Variants in OPCML observed in about 807,000 individuals in gnomAD.
OPCML encodes the protein opioid binding protein/cell adhesion molecule like, also known as opioid-binding protein/cell adhesion molecule.
In OPCML, 13 loss-of-function variants were observed where a neutral mutation model predicts 37.8. The observed-to-expected ratio is 0.34, with a 90% CI of 0.22 to 0.55. OPCML has a LOEUF of 0.55. Among genes scored for constraint, OPCML ranks in the 20% least tolerant of loss-of-function variants. The pLI, the probability that OPCML is intolerant of heterozygous loss-of-function variation, is 0.91. For missense variants in OPCML, 341 were observed against 435.6 expected (o/e 0.78, Z 1.93); for synonymous variants, 176 against 168.8 (o/e 1.04, Z -0.33).
chr11:132,440,132 G>A (rs575905396), intron 4 of OPCML, among the ~76,000 whole-genome samples: 2 of 152,258 alleles, frequency 1.3e-5, no homozygotes, highest in African/African-American at 4.8e-5. Flanking sequence ...TCTGGAATGT[G>A]GGATTTGTTT....
chr11:133,349,827 G>A (rs1944088515), intron 1 of OPCML, among the ~76,000 whole-genome samples: 1 of 152,188 alleles, frequency 6.6e-6, no homozygotes, highest in Non-Finnish European at 1.5e-5. Flanking sequence ...TATGCACAGA[G>A]CATATTTTCT....
intron 2 of OPCML, among the ~76,000 whole-genome samples, chr11:132,884,175 A>G (rs1943323057): frequency 6.6e-6 from 1 of 152,212 alleles, no homozygotes; most frequent in South Asian, 2.1e-4. Flanking sequence ...GAAAATATGC[A>G]GTAGAAGGTT....
intron 4 of OPCML, among the ~76,000 whole-genome samples, chr11:132,444,177 A>G (rs1309090303): frequency 2.0e-5 from 3 of 152,144 alleles, no homozygotes; most frequent in African/African-American, 7.2e-5. Context: ...TGGCAGCCTT[A>G]TGTCTTCTTA....
chr11:133,147,868 G>A (rs911492182), intron 1 of OPCML, among the ~76,000 whole-genome samples: 1 of 152,176 alleles, frequency 6.6e-6, no homozygotes, highest in Non-Finnish European at 1.5e-5. Flanking sequence ...CATCTGCAAA[G>A]ACGGAATGAT....
chr11:133,274,931 A>G (rs1941951382), intron 1 of OPCML, among the ~76,000 whole-genome samples: 1 of 152,182 alleles, frequency 6.6e-6, no homozygotes, highest in Non-Finnish European at 1.5e-5. Flanking sequence ...TGTCGTTTAT[A>G]TTAATTTGCC....
At chr11:133,012,163 C>G (rs781539494) in intron 1 of OPCML, among the ~76,000 whole-genome samples, 1 of 152,058 alleles carries the variant, frequency 6.6e-6, no homozygotes, top group South Asian at 2.1e-4. Flanking sequence ...ATTTTATTGA[C>G]ATTTAGGGGT....
At chr11:133,252,580 C>T (rs1941171264) in intron 1 of OPCML, among the ~76,000 whole-genome samples, 1 of 152,062 alleles carries the variant, frequency 6.6e-6, no homozygotes, top group African/African-American at 2.4e-5. Context: ...CCAGAGTCTC[C>T]CGAAGGGTTT....
At chr11:133,103,889 C>T (rs538720645) in intron 1 of OPCML, among the ~76,000 whole-genome samples, 14 of 152,284 alleles carry the variant, frequency 9.2e-5, no homozygotes, top group East Asian at 1.9e-4. Flanking sequence ...CCCCATGCTC[C>T]GAAATTACCT....
intron 1 of OPCML, among the ~76,000 whole-genome samples, chr11:133,192,428 G>T (rs1025676837): frequency 6.6e-6 from 1 of 152,186 alleles, no homozygotes; most frequent in Admixed American, 6.5e-5. Context: ...CCGACCAATT[G>T]CCTACTCATA....
chr11:133,082,989 G>A (rs962891390), intron 1 of OPCML, among the ~76,000 whole-genome samples: 9 of 151,214 alleles, frequency 6.0e-5, no homozygotes, highest in Admixed American at 3.9e-4. Context: ...GCCGCCAGAG[G>A]GCGCCCGTCA....
At chr11:133,238,590 T>A (rs1301355422) in intron 1 of OPCML, among the ~76,000 whole-genome samples, 1 of 152,092 alleles carries the variant, frequency 6.6e-6, no homozygotes, top group African/African-American at 2.4e-5. Flanking sequence ...TGTGCTCCAG[T>A]GTCCTACCCA....
At chr11:132,777,245 G>A (rs1442558618) in intron 2 of OPCML, among the ~76,000 whole-genome samples, 2 of 152,222 alleles carry the variant, frequency 1.3e-5, no homozygotes, top group Non-Finnish European at 2.9e-5. Flanking sequence ...TCCAGGAAGT[G>A]TCCACCCTAG....
intron 1 of OPCML, among the ~76,000 whole-genome samples, chr11:133,454,074 G>T (rs1406346739): frequency 6.6e-6 from 1 of 152,176 alleles, no homozygotes; most frequent in Non-Finnish European, 1.5e-5. Flanking sequence ...AATCCTGATA[G>T]TCGGCGATTC....
chr11:132,932,737 T>C (rs1945251242), intron 2 of OPCML, among the ~76,000 whole-genome samples: 1 of 149,880 alleles, frequency 6.7e-6, no homozygotes, highest in Admixed American at 6.7e-5. Flanking sequence ...GATAAATATA[T>C]ATATTTAACT....
chr11:132,446,415 G>A (rs183083168), intron 4 of OPCML, among the ~76,000 whole-genome samples: 2 of 152,090 alleles, frequency 1.3e-5, no homozygotes, highest in Admixed American at 6.6e-5. Flanking sequence ...AAATGACTGA[G>A]GATAGAAGCT....
intron 2 of OPCML, among the ~76,000 whole-genome samples, chr11:132,908,016 TG>T (rs1267760650): frequency 1.3e-5 from 2 of 152,180 alleles, no homozygotes; most frequent in African/African-American, 2.4e-5. Context: ...CAAAGCTGTT[TG>T]GTAATTTTGC....
At chr11:132,958,875 C>T (rs1272303295) in intron 1 of OPCML, among the ~76,000 whole-genome samples, 1 of 152,208 alleles carries the variant, frequency 6.6e-6, no homozygotes, top group African/African-American at 2.4e-5. Context: ...TACCCAAAAG[C>T]TCCAATGAAG....
intron 1 of OPCML, among the ~76,000 whole-genome samples, chr11:133,077,817 T>C (rs1346678277): frequency 6.6e-6 from 1 of 152,046 alleles, no homozygotes; most frequent in Non-Finnish European, 1.5e-5. Flanking sequence ...ACAATGCAAA[T>C]GCCCATCTAC....
chr11:133,005,095 C>A (rs1431233958), intron 1 of OPCML: 4 of 985,232 alleles, frequency 4.1e-6, no homozygotes, highest in African/African-American at 1.7e-5. Context: ...TTCATGGCTT[C>A]CCATGAAGTT....
Sources: allele counts gnomAD v4.1 joint callset (sites outside exome capture counted in the v4.1 genomes callset), GRCh38; gene constraint gnomAD v4.1.1; transcripts MANE v1.5; gene names NCBI Gene and HGNC (gene_info 2026-07-23, HGNC 2026-07-21).